The following MFSD8 variants were observed in gnomAD, a reference collection of about 807,000 sequenced individuals.
The protein encoded by MFSD8 is major facilitator superfamily domain containing 8, also known as major facilitator superfamily domain-containing protein 8.
A neutral mutation model predicts 66.4 loss-of-function variants in MFSD8; 55 were observed. That is an observed-to-expected ratio of 0.83 (90% CI 0.67 to 1.04). The LOEUF is 1.04. Among genes scored for constraint, MFSD8 ranks in the 50% least tolerant of loss-of-function variants. The pLI, the probability that MFSD8 is intolerant of heterozygous loss-of-function variation, is 0.00. For missense variants in MFSD8, 550 were observed against 627.6 expected (o/e 0.88, Z 1.32); for synonymous variants, 202 against 212.8 (o/e 0.95, Z 0.44).
intron 1 of MFSD8, among the ~76,000 whole-genome samples, chr4:127,964,191 C>A (rs58469974): frequency 0.02 from 3,004 of 152,328 alleles, 92 homozygotes; most frequent in African/African-American, 0.067. Context: ...GATCCCGCAC[C>A]GGGGCTGCAG....
intron 1 of MFSD8, among the ~76,000 whole-genome samples, chr4:127,960,741 G>A (rs929450366): frequency 1.3e-5 from 2 of 152,240 alleles, no homozygotes; most frequent in Admixed American, 6.5e-5. Flanking sequence ...TCAGTAACGT[G>A]AGCTACAAAC....
chr4:127,943,174 C>T lies in MFSD8; in HGVS notation c.439+578G>A, dbSNP rs145801737. Among the ~76,000 whole-genome samples, 327 of 151,144 alleles carry T rather than the reference C, an allele frequency of 2.2e-3. 2 individuals carry two copies. Among genetic ancestry groups the T allele is most frequent in the Middle Eastern group, 6.8e-3 (2 of 292 alleles). On this transcript the variant is annotated intron_variant, in intron 4 of 11. Coordinates refer to ENST00000641686, the MANE Select transcript of MFSD8 (RefSeq NM_001371596.2). ...TAGAGGATGCAGTGAGCCAAGATTGCGCCACTGCATTCCAGTCTGGGTGAC... is the reference window on the plus strand; with the variant it reads ...TAGAGGATGCAGTGAGCCAAGATTGTGCCACTGCATTCCAGTCTGGGTGAC...
At chr4:127,942,375 A>G (rs936871366) in intron 4 of MFSD8, among the ~76,000 whole-genome samples, 6 of 152,202 alleles carry the variant, frequency 3.9e-5, no homozygotes, top group African/African-American at 9.6e-5. Flanking sequence ...ACAGTTAAAG[A>G]TATCAATGAG....
Position 127,920,419 on chromosome 4 carries a change from A to G in MFSD8, c.*211T>C, listed in dbSNP as rs1736183076. 1.7e-6 allele frequency: 1 copy of G among 592,134 alleles called. No homozygotes were observed. The highest frequency in any genetic ancestry group is 2.8e-5 in the Admixed American group (1 of 36,080). The allele number at this position is 592,134 out of a possible 1,614,324, so 36.7% of individuals were successfully genotyped here. ...AAGAATAATATTTCATTTCTGAGGT[A>G]AGGAAATTATCATCTAGTATGTTTT... On this transcript the variant is annotated 3_prime_UTR_variant, in exon 12 of 12. Coordinates refer to ENST00000641686, the MANE Select transcript of MFSD8 (RefSeq NM_001371596.2).
intron 1 of MFSD8, chr4:127,964,746 G>A (rs1744710572): frequency 8.7e-6 from 4 of 462,190 alleles, no homozygotes; most frequent in South Asian, 8.6e-5. Flanking sequence ...CCAGGCAGAG[G>A]AGGCCTGGAG....
chr4:127,943,414 C>A, intron 4 of MFSD8: 2 of 200,370 alleles, frequency 1.0e-5, no homozygotes, highest in East Asian at 1.4e-4. Flanking sequence ...AGATGGAGGT[C>A]TCCCTATGTT....
chr4:127,945,932 T>C (rs1740956711), intron 3 of MFSD8, among the ~76,000 whole-genome samples: 1 of 151,484 alleles, frequency 6.6e-6, no homozygotes, highest in Admixed American at 6.6e-5. Context: ...TTTTTTTTTT[T>C]TTTTCTGAGA....
At chr4:127,921,436 C>T in intron 11 of MFSD8, 88 bp downstream of exon 11, 8 of 1,596,560 alleles carry the variant, frequency 5.0e-6, no homozygotes, top group Non-Finnish European at 6.8e-6. Flanking sequence ...TCAAATCAGT[C>T]TGTGTAAAAA....
chr4:127,943,992 T>C lies in MFSD8; in HGVS notation c.199A>G (p.Ile67Val), dbSNP rs757876846. The stretch of plus-strand genomic sequence containing the variant: ...AAACTTGTATCAGCTGTCGGATCAA[T>C]CTGCAGAAAAAGGTACAGTGCTTTA... ...MMSIWPYLQK[I>V]DPTADTSFLG... The change falls in exon 4 of 12, where the codon ATT (isoleucine) becomes GTT (valine). Residue 67 changes from isoleucine (I) to valine (V), a missense_variant and splice_region_variant. By Grantham distance (29) the Ile-to-Val change is conservative. Coordinates refer to ENST00000641686, the MANE Select transcript of MFSD8 (RefSeq NM_001371596.2). 1.9e-6 allele frequency: 3 copies of C among 1,614,178 alleles called. No individual in the cohort carries two copies. Among genetic ancestry groups the C allele is most frequent in the Admixed American group, 1.7e-5 (1 of 60,018 alleles).
intron 1 of MFSD8, among the ~76,000 whole-genome samples, chr4:127,960,881 T>C (rs1021026522): frequency 1.3e-5 from 2 of 152,232 alleles, no homozygotes; most frequent in African/African-American, 4.8e-5. Context: ...ATTATACTTA[T>C]TATTATATTT....
At chr4:127,933,994 G>C (rs1362024411) in intron 7 of MFSD8, among the ~76,000 whole-genome samples, 1 of 152,126 alleles carries the variant, frequency 6.6e-6, no homozygotes, top group African/African-American at 2.4e-5. Flanking sequence ...GATTACAGCA[G>C]GTGGGAGGCC....
At chr4:127,936,562 T>A (rs2148894292) in intron 7 of MFSD8, among the ~76,000 whole-genome samples, 1 of 152,112 alleles carries the variant, frequency 6.6e-6, no homozygotes, top group South Asian at 2.1e-4. Context: ...CCTGTCTCTA[T>A]TAAAGAAAAA....
chr4:127,927,035 A>G (rs1005741550), intron 9 of MFSD8, among the ~76,000 whole-genome samples: 2 of 152,236 alleles, frequency 1.3e-5, no homozygotes, highest in Non-Finnish European at 2.9e-5. Flanking sequence ...GGCAAATTAC[A>G]TGAGATATCC....
chr4:127,955,645 C>G (rs116188811), intron 2 of MFSD8, among the ~76,000 whole-genome samples: 2,112 of 151,934 alleles, frequency 0.014, 45 homozygotes, highest in African/African-American at 0.048. Flanking sequence ...TGAAGGCAAC[C>G]GAGAAATAGC....
chr4:127,939,294 A>G (rs1739683619), intron 6 of MFSD8: 1 of 155,842 alleles, frequency 6.4e-6, no homozygotes, highest in African/African-American at 2.4e-5. Context: ...CCTTTCCCCT[A>G]CTTAGCAACA....
intron 9 of MFSD8, 94 bp downstream of exon 9, chr4:127,930,589 A>T: frequency 2.2e-6 from 3 of 1,386,558 alleles, no homozygotes; most frequent in Non-Finnish European, 3.0e-6. Context: ...AAAAAGCTTT[A>T]AATTATTTTC....
At chr4:127,965,192 T>C, upstream of MFSD8, 1 of 1,603,210 alleles carries the variant, frequency 6.2e-7, no homozygotes, top group Non-Finnish European at 8.5e-7. Flanking sequence ...CTTTCTCCCA[T>C]CCCGGGTGGC....
At chr4:127,929,865 CTTGAT>C (rs1737843244) in intron 9 of MFSD8, among the ~76,000 whole-genome samples, 1 of 152,138 alleles carries the variant, frequency 6.6e-6, no homozygotes, top group Non-Finnish European at 1.5e-5. Context: ...TCCCAATTAT[CTTGAT>C]TTGATCTTTA....
chr4:127,952,869 CAAA>C (rs758640018), intron 2 of MFSD8, among the ~76,000 whole-genome samples: 8 of 65,278 alleles, frequency 1.2e-4, no homozygotes, highest in East Asian at 4.8e-4. Flanking sequence ...GACTCCACCT[CAAA>C]AAAAAAAAAA....
Sources: gnomAD v4.1 joint callset for allele counts (sites outside exome capture counted in the v4.1 genomes callset) on GRCh38, gnomAD v4.1.1 for gene constraint, MANE v1.5 for transcripts, NCBI Gene and HGNC (gene_info 2026-07-23, HGNC 2026-07-21) for gene names.